Variants in GMDS observed in about 807,000 individuals in gnomAD.
GMDS encodes the protein GDP-mannose 4,6 dehydratase.
GMDS carries 20 observed loss-of-function variants against 49.9 expected under a neutral mutation model. The observed-to-expected ratio is 0.40, with a 90% CI of 0.28 to 0.58. The LOEUF is 0.58. Ranked by LOEUF, GMDS falls within the 20% of genes least tolerant of loss-of-function variation. The pLI, the probability that GMDS is intolerant of heterozygous loss-of-function variation, is 0.42. For synonymous variants in GMDS, 177 were observed against 178.6 expected, an observed-to-expected ratio of 0.99 and a Z score of 0.07; for missense variants, 362 against 481.4, an observed-to-expected ratio of 0.75 and a Z score of 2.32.
At chr6:2,207,521 CAACAA>C (rs1779857274) in intron 1 of GMDS, among the ~76,000 whole-genome samples, 1 of 151,948 alleles carries the variant, frequency 6.6e-6, no homozygotes, top group Non-Finnish European at 1.5e-5. Flanking sequence ...GCCACAATGA[CAACAA>C]ACTACTGAGC....
At chr6:1,864,900 G>A (rs908151713) in intron 7 of GMDS, among the ~76,000 whole-genome samples, 4 of 152,232 alleles carry the variant, frequency 2.6e-5, no homozygotes, top group African/African-American at 9.6e-5. Context: ...GTTTACAACA[G>A]TGTAAGATGT....
chr6:2,193,408 T>C (rs895964368), intron 1 of GMDS, among the ~76,000 whole-genome samples: 6 of 152,194 alleles, frequency 3.9e-5, no homozygotes, highest in Non-Finnish European at 8.8e-5. Flanking sequence ...TCCACTGCCA[T>C]CCACGTGCCA....
intron 7 of GMDS, among the ~76,000 whole-genome samples, chr6:1,894,898 C>T (rs1760073179): frequency 6.6e-6 from 1 of 152,134 alleles, no homozygotes. Context: ...ACTTTATTAC[C>T]TACTGAAAAT....
intron 4 of GMDS, among the ~76,000 whole-genome samples, chr6:2,080,719 G>A (rs1293825533): frequency 1.3e-5 from 2 of 152,182 alleles, no homozygotes; most frequent in Non-Finnish European, 2.9e-5. Context: ...GGTTGAGCAT[G>A]CATTTCCTTG....
intron 4 of GMDS, among the ~76,000 whole-genome samples, chr6:2,083,571 T>C (rs1179421627): frequency 6.6e-6 from 1 of 152,250 alleles, no homozygotes; most frequent in Non-Finnish European, 1.5e-5. Flanking sequence ...CCTCTTCTGA[T>C]ATTTTGGTTA....
chr6:2,039,923 G>C (rs188498295), intron 4 of GMDS, among the ~76,000 whole-genome samples: 2 of 152,090 alleles, frequency 1.3e-5, no homozygotes, highest in East Asian at 3.8e-4. Context: ...AACTGTATGC[G>C]CTAGACTTCT....
At chr6:2,105,181 CAAA>C (rs530164439) in intron 4 of GMDS, among the ~76,000 whole-genome samples, 2,530 of 64,342 alleles carry the variant, frequency 0.039, 33 homozygotes, top group African/African-American at 0.13. Context: ...GACTCCGTCT[CAAA>C]AAAAAAAAAA....
At chr6:1,666,136 T>C (rs1408707410) in intron 9 of GMDS, among the ~76,000 whole-genome samples, 2 of 152,140 alleles carry the variant, frequency 1.3e-5, no homozygotes, top group African/African-American at 4.8e-5. Context: ...GGAAGTGAAC[T>C]GATTAGGCAT....
intron 7 of GMDS, among the ~76,000 whole-genome samples, chr6:1,820,368 C>T (rs1770841935): frequency 1.3e-5 from 2 of 152,108 alleles, no homozygotes; most frequent in Non-Finnish European, 2.9e-5. Flanking sequence ...ACAAAAATTC[C>T]AGGAAAATAG....
chr6:1,808,735 T>A (rs990245538), intron 7 of GMDS, among the ~76,000 whole-genome samples: 2 of 152,228 alleles, frequency 1.3e-5, no homozygotes, highest in Non-Finnish European at 2.9e-5. Flanking sequence ...ATCTTGAGAA[T>A]TTCAAGATTT....
At chr6:2,041,805 G>A (rs1424745082) in intron 4 of GMDS, among the ~76,000 whole-genome samples, 1 of 152,152 alleles carries the variant, frequency 6.6e-6, no homozygotes, top group Non-Finnish European at 1.5e-5. Context: ...AAAGTTTCAG[G>A]TAAAAATGGT....
chr6:2,092,622 C>G (rs934436223), intron 4 of GMDS, among the ~76,000 whole-genome samples: 1 of 152,134 alleles, frequency 6.6e-6, no homozygotes, highest in South Asian at 2.1e-4. Context: ...ACCTAGATGA[C>G]TTTAAGACAC....
chr6:2,051,778 G>T (rs1408563507), intron 4 of GMDS, among the ~76,000 whole-genome samples: 2 of 152,138 alleles, frequency 1.3e-5, no homozygotes, highest in African/African-American at 4.8e-5. Flanking sequence ...TGATAATTGT[G>T]TTGTTTAAAT....
intron 7 of GMDS, among the ~76,000 whole-genome samples, chr6:1,897,960 G>GCTCAGGGTTCTCCACTGGGTGGCAAATC: frequency 8.5e-6 from 1 of 117,316 alleles, no homozygotes; most frequent in African/African-American, 3.1e-5. Context: ...GGCCACCCTT[G>GCTCAGGGTTCTCCACTGGGTGGCAAATC]CCATCCTGGA....
chr6:1,741,818 A>AG, intron 8 of GMDS, among the ~76,000 whole-genome samples: 1 of 149,892 alleles, frequency 6.7e-6, no homozygotes, highest in South Asian at 2.1e-4. Flanking sequence ...TCTCAAAAAA[A>AG]AAAAAAAAAA....
In GMDS at chr6:1,742,561, T is replaced by G; in HGVS notation, c.797A>C (p.Asp266Ala). 6.2e-7 allele frequency: 1 copy of G among 1,604,928 alleles called. No homozygotes were observed. The change falls in exon 8 of 11, where the codon GAT becomes GCT. Residue 266 changes from aspartate (D) to alanine (A), a missense_variant. Physicochemically the swap from Asp to Ala is moderately radical, Grantham distance 126 (BLOSUM62 -2). Transcript: ENST00000380815. ...VEAMWLMLQN[D>A]EPEDFVIATG... Reference sequence around the variant, plus strand: ...AGCTATAACGAAGTCCTCCGGCTCATCATTCTGCAACATCAACCACATAGC... The same window carrying G: ...AGCTATAACGAAGTCCTCCGGCTCAGCATTCTGCAACATCAACCACATAGC...
At chr6:1,683,370 G>T (rs60670198) in intron 9 of GMDS, among the ~76,000 whole-genome samples, 48,438 of 152,086 alleles carry the variant, frequency 0.32, 8,355 homozygotes, top group Middle Eastern at 0.46. Flanking sequence ...TGATTTGTCC[G>T]CCTCGGCCTC....
intron 9 of GMDS, among the ~76,000 whole-genome samples, chr6:1,639,918 AAT>A (rs1270749868): frequency 6.6e-6 from 1 of 152,194 alleles, no homozygotes; most frequent in East Asian, 1.9e-4. Context: ...ATCCAAGCTG[AAT>A]TCCAGTTCTG....
intron 1 of GMDS, among the ~76,000 whole-genome samples, chr6:2,164,881 CA>C (rs1777586001): frequency 6.6e-6 from 1 of 152,354 alleles, no homozygotes; most frequent in African/African-American, 2.4e-5. Flanking sequence ...CCACTTTGTC[CA>C]GTGACAACCA....
Sources: allele counts gnomAD v4.1 joint callset (sites outside exome capture counted in the v4.1 genomes callset), GRCh38; gene constraint gnomAD v4.1.1; transcripts MANE v1.5; gene names NCBI Gene and HGNC (gene_info 2026-07-23, HGNC 2026-07-21).